The following MFHAS1 variants were observed in gnomAD, a reference collection of about 807,000 sequenced individuals.
MFHAS1 encodes malignant fibrous histiocytoma-amplified sequence 1.
MFHAS1 carries 50 observed loss-of-function variants against 70.4 expected under a neutral mutation model. The ratio of observed to expected loss-of-function variants is 0.71; its 90% CI spans 0.57 to 0.90. The LOEUF (loss-of-function observed/expected upper bound fraction) is 0.90. MFHAS1 is among the 40% of genes least tolerant of loss of function. MFHAS1 has a pLI of 0.00. For missense variants in MFHAS1, 1,795 were observed against 1,347.6 expected, an observed-to-expected ratio of 1.33 and a Z score of -5.20; for synonymous variants, 952 against 620.0, an observed-to-expected ratio of 1.54 and a Z score of -7.96.
At chr8:8,827,450 C>G (rs1024182489) in intron 1 of MFHAS1, among the ~76,000 whole-genome samples, 1 of 152,218 alleles carries the variant, frequency 6.6e-6, no homozygotes, top group Non-Finnish European at 1.5e-5. Flanking sequence ...TTAGCCACAT[C>G]CAATTTCACA....
At chr8:8,846,261 AGGG>A (rs370241850) in intron 1 of MFHAS1, among the ~76,000 whole-genome samples, 3 of 61,130 alleles carry the variant, frequency 4.9e-5, no homozygotes, top group Non-Finnish European at 9.6e-5. Context: ...TCCAAAAAAA[AGGG>A]GGGGGGGGAA....
intron 1 of MFHAS1, among the ~76,000 whole-genome samples, chr8:8,809,460 C>G (rs1455102971): frequency 6.6e-6 from 1 of 152,160 alleles, no homozygotes; most frequent in Non-Finnish European, 1.5e-5. Flanking sequence ...ACACCATCCT[C>G]TCCTCACTGA....
intron 1 of MFHAS1, among the ~76,000 whole-genome samples, chr8:8,824,948 C>G (rs149342452): frequency 6.6e-6 from 1 of 152,338 alleles, no homozygotes; most frequent in African/African-American, 2.4e-5. Context: ...GCCCCCAGGC[C>G]ACGTTTAGCA....
intron 1 of MFHAS1, among the ~76,000 whole-genome samples, chr8:8,879,687 T>C (rs1361679049): frequency 6.6e-6 from 1 of 152,206 alleles, no homozygotes; most frequent in Non-Finnish European, 1.5e-5. Context: ...ATTTTCTCCA[T>C]ATGGGGTCAG....
intron 1 of MFHAS1, among the ~76,000 whole-genome samples, chr8:8,860,745 G>C (rs185963292): frequency 6.6e-6 from 1 of 152,316 alleles, no homozygotes; most frequent in Admixed American, 6.5e-5. Context: ...CATCCACTGA[G>C]TCATGCCAAA....
At chr8:8,836,416 C>T (rs114563875) in intron 1 of MFHAS1, among the ~76,000 whole-genome samples, 3,422 of 152,116 alleles carry the variant, frequency 0.022, 122 homozygotes, top group African/African-American at 0.078. Context: ...TCTTGTTCTG[C>T]TGCCCAGGCT....
At chr8:8,867,595 T>C (rs553223331) in intron 1 of MFHAS1, among the ~76,000 whole-genome samples, 2 of 151,690 alleles carry the variant, frequency 1.3e-5, no homozygotes, top group African/African-American at 2.4e-5. Flanking sequence ...AGTCTCGCTG[T>C]CTCCTAGGCT....
intron 1 of MFHAS1, among the ~76,000 whole-genome samples, chr8:8,864,031 G>GAA (rs1302132882): frequency 0.025 from 3,790 of 152,126 alleles, 158 homozygotes; most frequent in African/African-American, 0.087. Flanking sequence ...CCTGTTTACC[G>GAA]GCATGTAGTT....
At chr8:8,859,378 T>TGTGGTG (rs1256543561) in intron 1 of MFHAS1, among the ~76,000 whole-genome samples, 1 of 152,202 alleles carries the variant, frequency 6.6e-6, no homozygotes, top group Non-Finnish European at 1.5e-5. Flanking sequence ...CCATGTTTCC[T>TGTGGTG]AACTGTGGAA....
chr8:8,844,670 T>C (rs1050481361), intron 1 of MFHAS1, among the ~76,000 whole-genome samples: 1 of 152,184 alleles, frequency 6.6e-6, no homozygotes, highest in Admixed American at 6.6e-5. Flanking sequence ...GCACCACCCA[T>C]CACACTCTAT....
intron 1 of MFHAS1, among the ~76,000 whole-genome samples, chr8:8,840,483 G>C (rs938965583): frequency 6.0e-5 from 7 of 116,290 alleles, no homozygotes; most frequent in Non-Finnish European, 1.3e-4. Context: ...AAAAAAAAAA[G>C]AATGGTTCAT....
chr8:8,792,866 G>C (rs1343897214), intron 2 of MFHAS1, among the ~76,000 whole-genome samples: 3 of 152,150 alleles, frequency 2.0e-5, no homozygotes, highest in Admixed American at 6.5e-5. Context: ...CTGTATCCTT[G>C]AGGAGGCCAG....
chr8:8,887,077 A>T (rs1413355218), intron 1 of MFHAS1, among the ~76,000 whole-genome samples: 1 of 152,194 alleles, frequency 6.6e-6, no homozygotes, highest in Non-Finnish European at 1.5e-5. Flanking sequence ...CAGTGAGTCA[A>T]GATCACTCCA....
intron 1 of MFHAS1, among the ~76,000 whole-genome samples, chr8:8,880,685 T>G (rs1007354414): frequency 4.4e-5 from 5 of 113,446 alleles, no homozygotes; most frequent in African/African-American, 1.3e-4. Context: ...TCCTTTTTTG[T>G]TTTTTTTTTT....
chr8:8,846,321 AAGG>A (rs1808036022), intron 1 of MFHAS1, among the ~76,000 whole-genome samples: 3 of 86,724 alleles, frequency 3.5e-5, no homozygotes, highest in African/African-American at 4.8e-5. Flanking sequence ...GAAGGAGGAG[AAGG>A]AGGAGTAGGA....
chr8:8,863,064 C>G (rs1195979775), intron 1 of MFHAS1, among the ~76,000 whole-genome samples: 1 of 152,124 alleles, frequency 6.6e-6, no homozygotes. Context: ...TTTATTAATA[C>G]AATTATCTGA....
intron 2 of MFHAS1, among the ~76,000 whole-genome samples, chr8:8,790,128 A>C (rs2117244433): frequency 6.6e-6 from 1 of 152,308 alleles, no homozygotes; most frequent in Admixed American, 6.5e-5. Context: ...ATAGTAAATT[A>C]AGCAAAAGAA....
At chr8:8,827,924 T>G (rs1033267188) in intron 1 of MFHAS1, among the ~76,000 whole-genome samples, 6 of 152,204 alleles carry the variant, frequency 3.9e-5, no homozygotes, top group Non-Finnish European at 8.8e-5. Flanking sequence ...TTAAGAGACT[T>G]TCTTTGTTAT....
At chr8:8,832,916 T>G (rs13259619) in intron 1 of MFHAS1, among the ~76,000 whole-genome samples, 1 of 152,048 alleles carries the variant, frequency 6.6e-6, no homozygotes, top group Non-Finnish European at 1.5e-5. Context: ...AAAGAAATAC[T>G]TGAGACCGGG....
Sources: gnomAD v4.1 joint callset for allele counts (sites outside exome capture counted in the v4.1 genomes callset) on GRCh38, gnomAD v4.1.1 for gene constraint, MANE v1.5 for transcripts, NCBI Gene and HGNC (gene_info 2026-07-23, HGNC 2026-07-21) for gene names.